ACOT1: variants seen among roughly 807,000 people sequenced by gnomAD.
ACOT1 encodes acyl-coenzyme A thioesterase 1.
A neutral mutation model predicts 15.7 loss-of-function variants in ACOT1; 8 were observed. That is an observed-to-expected ratio of 0.51 (90% CI 0.30 to 0.92). The LOEUF (loss-of-function observed/expected upper bound fraction) is 0.92, where lower values mean the gene tolerates loss of function less well. Ranked by LOEUF, ACOT1 falls within the 40% of genes least tolerant of loss-of-function variation. ACOT1 has a pLI of 0.06. For synonymous variants in ACOT1, 67 were observed against 241.2 expected (o/e 0.28, Z 6.69); for missense variants, 151 against 539.4 (o/e 0.28, Z 7.13).
the ACOT1 span, among the ~76,000 whole-genome samples, chr14:73,528,223 C>T: frequency 6.6e-6 from 1 of 151,620 alleles, no homozygotes; most frequent in South Asian, 2.1e-4. Flanking sequence ...GGCGAAGCCC[C>T]ATCTCTACTA....
chr14:73,514,169 G>A, the ACOT1 span: 1 of 1,614,192 alleles, frequency 6.2e-7, no homozygotes, highest in Non-Finnish European at 8.5e-7. Context: ...CCCACCTGCA[G>A]CAGCATATCC....
the ACOT1 span, chr14:73,500,457 C>G: frequency 1.5e-6 from 2 of 1,295,552 alleles, no homozygotes; most frequent in East Asian, 2.3e-5. Flanking sequence ...TTCTGTGTCC[C>G]CACAGAATGT....
the ACOT1 span, among the ~76,000 whole-genome samples, chr14:73,515,633 TCG>T: frequency 8.0e-6 from 1 of 124,594 alleles, no homozygotes; most frequent in Admixed American, 1.1e-4. Context: ...TGAGCTGAGA[TCG>T]CGCTCCAACC....
the ACOT1 span, chr14:73,502,892 T>A: frequency 1.9e-6 from 3 of 1,607,290 alleles, no homozygotes; most frequent in South Asian, 3.3e-5. Context: ...GACTGGGTCT[T>A]ACCTGATTAT....
chr14:73,521,174 G>T, the ACOT1 span: 1 of 756,046 alleles, frequency 1.3e-6, no homozygotes, highest in Non-Finnish European at 2.2e-6. Flanking sequence ...GAACACCAAT[G>T]TTTAACTTTT....
chr14:73,490,975 C>CG, the ACOT1 span: 568 of 1,317,132 alleles, frequency 4.3e-4, no homozygotes, highest in Middle Eastern at 5.6e-4. Context: ...GCTTTAGCTT[C>CG]GCCCCCGGCC....
upstream of ACOT1, among the ~76,000 whole-genome samples, chr14:73,535,462 C>T (rs1196817227): frequency 1.2e-4 from 7 of 59,326 alleles, no homozygotes; most frequent in Non-Finnish European, 2.3e-4. Context: ...TTTTCTTTTT[C>T]TTCTTTCTTT....
the ACOT1 span, among the ~76,000 whole-genome samples, chr14:73,507,839 C>T: frequency 2.0e-5 from 3 of 152,146 alleles, no homozygotes; most frequent in Non-Finnish European, 2.9e-5. Flanking sequence ...ACCTCCCAGG[C>T]TGAAGTGATT....
chr14:73,506,558 G>GT, the ACOT1 span: 1 of 1,612,588 alleles, frequency 6.2e-7, no homozygotes, highest in Admixed American at 1.7e-5. Flanking sequence ...AGCAAGCATG[G>GT]TGTGTATCAG....
At chr14:73,529,006 TAGAACCA>T in the ACOT1 span, 1 of 152,152 alleles carries the variant, frequency 6.6e-6, no homozygotes, top group Non-Finnish European at 1.5e-5. Flanking sequence ...AATAGCCCTC[TAGAACCA>T]AAAGCAGAGT....
At chr14:73,514,242 A>G in the ACOT1 span, 60 of 1,613,164 alleles carry the variant, frequency 3.7e-5, no homozygotes, top group Middle Eastern at 1.7e-4. Context: ...AAGCTGTGCA[A>G]CGTGGCAGTG....
Position 73,541,579 on chromosome 14 carries a change from G to A in ACOT1, c.544G>A (p.Gly182Ser), listed in dbSNP as rs1566850545. 4 of 1,244,154 alleles carry A rather than the reference G, an allele frequency of 3.2e-6. 1 individual carries two copies. Among genetic ancestry groups the A allele is most frequent in the Non-Finnish European group, 4.3e-6 (4 of 936,274 alleles). The allele number at this position is 1,244,154 out of a possible 1,614,324, so 77.1% of individuals were successfully genotyped here. A position where few individuals can be genotyped will look rare whatever the true frequency, so the allele number is the denominator to read the frequency against. ...TCGGGCTAGTCTGCTGGCTGGGAAG[G>A]GTTTTGCTGTGATGGCTCTGGCTTA... ...EYRASLLAGKGFAVMALAYYN... is the reference protein window; with the variant it reads ...EYRASLLAGKSFAVMALAYYN... The change falls in exon 2 of 3, where the codon GGT becomes AGT. Residue 182 changes from glycine to serine, a missense_variant. Physicochemically the swap from Gly to Ser is moderately conservative, Grantham distance 56 (BLOSUM62 0). Transcript: ENST00000311148.
At chr14:73,504,115 T>G in the ACOT1 span, among the ~76,000 whole-genome samples, 2 of 151,816 alleles carry the variant, frequency 1.3e-5, no homozygotes, top group Admixed American at 6.6e-5. Flanking sequence ...TTCACTCTTG[T>G]TGCCCAGGCT....
upstream of ACOT1, among the ~76,000 whole-genome samples, chr14:73,536,772 C>T (rs1250229794): frequency 5.3e-5 from 6 of 113,848 alleles, 2 homozygotes; most frequent in Non-Finnish European, 9.5e-5. Flanking sequence ...TAGTAAGAAG[C>T]CAGCACCCTT....
chr14:73,497,621 T>G, the ACOT1 span, among the ~76,000 whole-genome samples: 1 of 152,174 alleles, frequency 6.6e-6, no homozygotes, highest in Non-Finnish European at 1.5e-5. Flanking sequence ...ATGAATAACT[T>G]AAAACCCATC....
At chr14:73,513,728 C>CAAAA in the ACOT1 span, among the ~76,000 whole-genome samples, 596 of 46,768 alleles carry the variant, frequency 0.013, 90 homozygotes, top group Admixed American at 0.021. Flanking sequence ...ACTACGTCTC[C>CAAAA]AAAAAAAAAA....
chr14:73,492,167 G>A, the ACOT1 span: 16 of 1,613,988 alleles, frequency 9.9e-6, no homozygotes, highest in Non-Finnish European at 1.4e-5. The surrounding 1 kb of genome is among the most constrained non-coding windows in gnomAD (Gnocchi z 4.9). Flanking sequence ...CGACCTCGGT[G>A]AGCCGGTGCT....
the ACOT1 span, chr14:73,520,696 T>C: frequency 1.5e-5 from 10 of 662,446 alleles, no homozygotes; most frequent in Middle Eastern, 4.3e-4. Context: ...CCGACCCAAC[T>C]CCTGTGCTAG....
chr14:73,506,556 T>C, the ACOT1 span: 19 of 1,613,250 alleles, frequency 1.2e-5, no homozygotes, highest in Middle Eastern at 1.6e-4. Context: ...ACAGCAAGCA[T>C]GGTGTGTATC....
Sources: allele counts gnomAD v4.1 joint callset (sites outside exome capture counted in the v4.1 genomes callset), GRCh38; gene constraint gnomAD v4.1.1; non-coding constraint Gnocchi (gnomAD v3.1); transcripts MANE v1.5; gene names NCBI Gene and HGNC (gene_info 2026-07-23, HGNC 2026-07-21).